The following FNTB variants were observed in gnomAD, a reference collection of about 807,000 sequenced individuals.
FNTB encodes farnesyltransferase, CAAX box, subunit beta.
In FNTB, 27 loss-of-function variants were observed where a neutral mutation model predicts 59.4. The ratio of observed to expected loss-of-function variants is 0.45; its 90% CI spans 0.34 to 0.63. FNTB has a LOEUF of 0.63. Among genes scored for constraint, FNTB ranks in the 20% least tolerant of loss-of-function variants. The pLI is 0.02. For synonymous variants in FNTB, 230 were observed against 220.7 expected, an observed-to-expected ratio of 1.04 and a Z score of -0.37; for missense variants, 449 against 559.6, an observed-to-expected ratio of 0.80 and a Z score of 1.99.
intron 7 of FNTB, among the ~76,000 whole-genome samples, chr14:65,035,035 C>T (rs1470096773): frequency 1.3e-5 from 2 of 152,236 alleles, no homozygotes; most frequent in Non-Finnish European, 2.9e-5. Context: ...TTTGTTTCCC[C>T]AGCACGTATG....
chr14:65,017,271 A>G (rs1245934833), intron 4 of FNTB, among the ~76,000 whole-genome samples: 1 of 152,076 alleles, frequency 6.6e-6, no homozygotes, highest in African/African-American at 2.4e-5. Flanking sequence ...TTGTTTGGGA[A>G]GTTTTCCCTT....
chr14:65,004,156 C>T (rs978776313), intron 1 of FNTB, 93 bp from the exon 2 acceptor site: 33 of 1,414,424 alleles, frequency 2.3e-5, no homozygotes, highest in Middle Eastern at 1.8e-4. Context: ...AACCAACCCT[C>T]GCCAATAGGC....
At chr14:65,057,140 C>G (rs1013613546) in intron 11 of FNTB, among the ~76,000 whole-genome samples, 1 of 152,244 alleles carries the variant, frequency 6.6e-6, no homozygotes, top group Non-Finnish European at 1.5e-5. Context: ...CCCTCAAACC[C>G]AAACACATTC....
chr14:65,032,585 G>A lies in FNTB; in HGVS notation c.606-25G>A. 1 of 1,611,532 alleles carries A rather than the reference G, an allele frequency of 6.2e-7. No homozygotes were observed. Among genetic ancestry groups the A allele is most frequent in the Non-Finnish European group, 8.5e-7 (1 of 1,179,494 alleles). On this transcript the variant is annotated intron_variant, in intron 6 of 11. Coordinates refer to ENST00000246166, the MANE Select transcript of FNTB (RefSeq NM_002028.4). The surrounding 1 kb of genome is among the most constrained non-coding windows in gnomAD (Gnocchi z 5.0). The stretch of plus-strand genomic sequence containing the variant: ...CATTAGCTCTTCCGTAGAGCTTAAT[G>A]TGTTTCCCGTTTCTGTCTTTCCAGA...
intron 3 of FNTB, among the ~76,000 whole-genome samples, chr14:65,013,767 C>T (rs745838349): frequency 6.6e-6 from 1 of 152,156 alleles, no homozygotes; most frequent in Non-Finnish European, 1.5e-5. Context: ...AGGCTGGTCT[C>T]GAGCTCCTGA....
intron 2 of FNTB, among the ~76,000 whole-genome samples, chr14:65,006,843 T>A (rs1386217179): frequency 6.6e-6 from 1 of 151,964 alleles, no homozygotes; most frequent in Non-Finnish European, 1.5e-5. Flanking sequence ...AAATGGGAGG[T>A]TATAGTCTGG....
chr14:65,060,870 C>CAAAAAAAAA (rs58241887), intron 11 of FNTB, among the ~76,000 whole-genome samples: 1 of 79,576 alleles, frequency 1.3e-5, no homozygotes. Context: ...AAGACTCTCT[C>CAAAAAAAAA]AAAAAAAAAA....
rs2061694643 is a variant in FNTB at position 65,012,230 on chromosome 14, T to TACCCGTGTGTG, written c.210-87_210-86insACCCGTGTGTG. Reference sequence around the variant, plus strand: ...AGGGGGACGTCCTGAAGCTGAGTGTTTACCCGTGTGTGTGTACGTGCACAT... The same window carrying TACCCGTGTGTG: ...AGGGGGACGTCCTGAAGCTGAGTGTTACCCGTGTGTGTACCCGTGTGTGTGTACGTGCACAT... On this transcript the variant is annotated intron_variant, in intron 2 of 11. Coordinates refer to ENST00000246166, the MANE Select transcript of FNTB (RefSeq NM_002028.4). This position sits in a 1 kb window ranked among gnomAD's most constrained non-coding sequence, Gnocchi z 5.0. 7.1e-6 allele frequency: 11 copies of TACCCGTGTGTG among 1,545,412 alleles called. No homozygotes were observed. The highest frequency in any genetic ancestry group is 8.0e-6 in the Non-Finnish European group (9 of 1,122,646).
chr14:65,014,781 T>C lies in FNTB; in HGVS notation c.283-844T>C, dbSNP rs991781783. 1.3e-5 allele frequency among the ~76,000 whole-genome samples: 2 copies of C among 152,164 alleles called. No individual in the cohort carries two copies. The highest frequency in any genetic ancestry group is 4.8e-5 in the African/African-American group (2 of 41,442). ...GTGAGCTGAGATCATACCACTGCAC[T>C]CTAGCCTGGGTGACAGAGCGAGACC... On this transcript the variant is annotated intron_variant, in intron 3 of 11. Transcript: ENST00000246166. The surrounding 1 kb of genome is among the most constrained non-coding windows in gnomAD (Gnocchi z 5.1).
At chr14:65,059,866 C>T (rs1252890696) in intron 11 of FNTB, among the ~76,000 whole-genome samples, 4 of 138,950 alleles carry the variant, frequency 2.9e-5, no homozygotes, top group East Asian at 2.1e-4. Flanking sequence ...GACAGAGTCT[C>T]GCTGTTGCCC....
chr14:65,060,931 CATA>C (rs937799148), intron 11 of FNTB, among the ~76,000 whole-genome samples: 26 of 147,088 alleles, frequency 1.8e-4, no homozygotes, highest in Admixed American at 7.5e-4. Context: ...TGTTTTCTCA[CATA>C]ATATGTTGTA....
At chr14:65,039,163 C>T (rs1008329464) in intron 7 of FNTB, among the ~76,000 whole-genome samples, 2 of 152,164 alleles carry the variant, frequency 1.3e-5, no homozygotes, top group African/African-American at 4.8e-5. Context: ...AGGATCAAGC[C>T]ATTCATTGGG....
Position 65,012,419 on chromosome 14 carries a change from T to C in FNTB, c.282+30T>C. The C allele has an allele frequency of 6.2e-7, 1 of 1,613,566 alleles. No individual in the cohort carries two copies. Among genetic ancestry groups the C allele is most frequent in the Non-Finnish European group, 8.5e-7 (1 of 1,179,530 alleles). ...ACACATTACCCAGGAACTCTTGCTG[T>C]CAAATTATCCACCAAATCCTCCTCC... On this transcript the variant is annotated intron_variant, in intron 3 of 11. Transcript: ENST00000246166. The surrounding 1 kb of genome is among the most constrained non-coding windows in gnomAD (Gnocchi z 5.0).
chr14:65,000,630 C>T (rs1888557524), intron 1 of FNTB, among the ~76,000 whole-genome samples: 1 of 151,766 alleles, frequency 6.6e-6, no homozygotes, highest in South Asian at 2.1e-4. Context: ...ACCATCCTGG[C>T]TAACATGGTG....
Position 65,053,292 on chromosome 14 carries a change from A to G in FNTB, c.1010A>G (p.Glu337Gly). ...HWMFHQQALQ[E>G]YILMCCQCPA... ...ATGTTCCATCAGCAGGCCCTGCAGG[A>G]GTACATCCTGATGTGCTGCCAGTGC... Residue 337 changes from glutamate to glycine, a missense_variant, in exon 10 of 12, where the codon GAG (glutamate) becomes GGG (glycine). Around this residue, in one of 2 missense-constraint regions of FNTB, gnomAD observed 337 missense variants for 479.1 expected, o/e 0.70. Coordinates refer to ENST00000246166, the MANE Select transcript of FNTB (RefSeq NM_002028.4). 2 of 1,468,606 alleles carry G rather than the reference A, an allele frequency of 1.4e-6. No homozygotes were observed. Among genetic ancestry groups the G allele is most frequent in the Non-Finnish European group, 1.8e-6 (2 of 1,102,882 alleles). 91.0% of individuals were successfully genotyped at this position (1,468,606 alleles called of 1,614,324 possible).
intron 9 of FNTB, among the ~76,000 whole-genome samples, chr14:65,046,971 G>A (rs2062497035): frequency 6.6e-6 from 1 of 152,052 alleles, no homozygotes; most frequent in South Asian, 2.1e-4. Flanking sequence ...GCAAAAAGGT[G>A]CGAAAAATAT....
intron 7 of FNTB, among the ~76,000 whole-genome samples, chr14:65,037,402 CCTTTTTTT>C (rs1428139198): frequency 0.026 from 376 of 14,480 alleles, 86 homozygotes; most frequent in Non-Finnish European, 0.036. Context: ...CACGCCGGGC[CCTTTTTTT>C]TTTTTTTTTT....
chr14:64,993,544 TGAGA>T (rs913748201), intron 1 of FNTB, among the ~76,000 whole-genome samples: 2 of 152,242 alleles, frequency 1.3e-5, no homozygotes, highest in East Asian at 3.8e-4. Context: ...TTGTATTTTC[TGAGA>T]GAGAATTTTT....
rs1379246303 is a variant in FNTB, at chr14:65,044,720, T to G, written c.955+277T>G. 1 of 452,524 alleles carries G rather than the reference T, an allele frequency of 2.2e-6. No homozygotes were observed. The allele number at this position is 452,524 out of a possible 1,614,324, so 28.0% of individuals were successfully genotyped here. ...GGAGCGGGGAGGAAGTGGGCGCTGCTTCTGCGTTATCTGGAAGGAGCAGCC... is the reference window on the plus strand; with the variant it reads ...GGAGCGGGGAGGAAGTGGGCGCTGCGTCTGCGTTATCTGGAAGGAGCAGCC... On this transcript the variant is annotated intron_variant, in intron 9 of 11. Transcript: ENST00000246166. The surrounding 1 kb of genome is among the most constrained non-coding windows in gnomAD (Gnocchi z 5.5).
Sources: allele counts gnomAD v4.1 joint callset (sites outside exome capture counted in the v4.1 genomes callset), GRCh38; gene constraint gnomAD v4.1.1; regional missense constraint gnomAD v4.1.1; non-coding constraint Gnocchi (gnomAD v3.1); transcripts MANE v1.5; gene names NCBI Gene and HGNC (gene_info 2026-07-23, HGNC 2026-07-21).